LARGE1: variants seen among roughly 807,000 people sequenced by gnomAD.
LARGE1 encodes the protein LARGE xylosyl- and glucuronyltransferase 1, also known as xylosyl- and glucuronyltransferase LARGE1.
Under a neutral mutation model 87.6 loss-of-function variants are expected in LARGE1, and 43 were observed. The ratio of observed to expected loss-of-function variants is 0.49; its 90% CI spans 0.38 to 0.63. The LOEUF is 0.63. Ranked by LOEUF, LARGE1 falls within the 30% of genes least tolerant of loss-of-function variation. LARGE1 has a pLI of 0.00. For synonymous variants in LARGE1, 434 were observed against 394.6 expected, an observed-to-expected ratio of 1.10 and a Z score of -1.18; for missense variants, 802 against 1,000.2, an observed-to-expected ratio of 0.80 and a Z score of 2.67.
At chr22:33,392,127 G>T (rs2065550299) in intron 7 of LARGE1, among the ~76,000 whole-genome samples, 1 of 148,532 alleles carries the variant, frequency 6.7e-6, no homozygotes, top group South Asian at 2.1e-4. Context: ...ACAGCAGAAT[G>T]AATTCTGGGA....
At chr22:33,657,821 C>T (rs2081010539) in intron 2 of LARGE1, among the ~76,000 whole-genome samples, 1 of 152,176 alleles carries the variant, frequency 6.6e-6, no homozygotes, top group African/African-American at 2.4e-5. Context: ...ATTCAACAAA[C>T]ACTTGGTCAG....
At chr22:33,244,987 AT>A (rs527818266) in intron 11 of LARGE1, among the ~76,000 whole-genome samples, 2 of 152,280 alleles carry the variant, frequency 1.3e-5, no homozygotes. Context: ...AAAAATATAA[AT>A]TTTATTTCTC....
chr22:33,747,222 A>C (rs999852327), intron 2 of LARGE1, among the ~76,000 whole-genome samples: 1 of 152,198 alleles, frequency 6.6e-6, no homozygotes, highest in Non-Finnish European at 1.5e-5. Flanking sequence ...AGAGGAGAGC[A>C]AGGAATGAGA....
chr22:33,369,319 T>C (rs2064718048), intron 9 of LARGE1, among the ~76,000 whole-genome samples: 1 of 152,224 alleles, frequency 6.6e-6, no homozygotes, highest in Non-Finnish European at 1.5e-5. Context: ...AGAAATAGAA[T>C]GGGATTCTCC....
chr22:33,712,227 A>AT (rs2082752751), intron 2 of LARGE1, among the ~76,000 whole-genome samples: 1 of 152,120 alleles, frequency 6.6e-6, no homozygotes, highest in Non-Finnish European at 1.5e-5. Flanking sequence ...GGAAAAAAAA[A>AT]GGGCAAATCC....
At chr22:33,809,497 G>T (rs552700182) in intron 1 of LARGE1, among the ~76,000 whole-genome samples, 1 of 152,326 alleles carries the variant, frequency 6.6e-6, no homozygotes, top group East Asian at 1.9e-4. Flanking sequence ...TGTATTATTA[G>T]ATGCAAGGAC....
intron 6 of LARGE1, among the ~76,000 whole-genome samples, chr22:33,459,436 T>G (rs751880449): frequency 3.5e-5 from 5 of 141,352 alleles, no homozygotes; most frequent in Non-Finnish European, 6.0e-5. Flanking sequence ...TCGCTCGCTC[T>G]CTCTCTTTTT....
At chr22:33,647,609 A>C (rs1012055058) in intron 3 of LARGE1, among the ~76,000 whole-genome samples, 3 of 152,216 alleles carry the variant, frequency 2.0e-5, no homozygotes, top group Admixed American at 2.0e-4. Flanking sequence ...CACAATGAGA[A>C]ACAAGATGCA....
intron 6 of LARGE1, among the ~76,000 whole-genome samples, chr22:33,448,146 G>A (rs1332798650): frequency 6.6e-6 from 1 of 152,152 alleles, no homozygotes; most frequent in African/African-American, 2.4e-5. Flanking sequence ...TTCCTGGGGT[G>A]ATAAAGACAT....
intron 2 of LARGE1, chr22:33,746,532 G>A (rs970414830): frequency 8.5e-5 from 13 of 152,334 alleles, no homozygotes; most frequent in African/African-American, 2.6e-4. Flanking sequence ...CGGAATGAAT[G>A]AATAACCTTG....
At chr22:33,403,124 T>C (rs1369611155) in intron 7 of LARGE1, among the ~76,000 whole-genome samples, 3 of 152,332 alleles carry the variant, frequency 2.0e-5, no homozygotes, top group Non-Finnish European at 4.4e-5. Flanking sequence ...CTGCAGTTAT[T>C]GTAGGTGCTT....
At chr22:33,887,301 G>C (rs1461533810) in intron 1 of LARGE1, among the ~76,000 whole-genome samples, 2 of 152,182 alleles carry the variant, frequency 1.3e-5, no homozygotes, top group Non-Finnish European at 2.9e-5. Flanking sequence ...AAACACTAGA[G>C]AGCTCCCTCG....
At position 33,266,808 on chromosome 22, in the gene LARGE1, C is replaced by G. The variant is rs146573825; in HGVS notation, c.1730+37421G>C. Among the ~76,000 whole-genome samples, 750 of 151,524 alleles carry G rather than the reference C, an allele frequency of 4.9e-3. 42 individuals carry two copies. The highest frequency in any genetic ancestry group is 0.018 in the African/African-American group (725 of 40,920). On this transcript the variant is annotated intron_variant, in intron 11 of 11. Transcript: ENST00000608642. ...TTACTCCATGCTCCCTGTCCTTATACCTCACATTCATTTCACTCCCATTCA... is the reference window on the plus strand; with the variant it reads ...TTACTCCATGCTCCCTGTCCTTATAGCTCACATTCATTTCACTCCCATTCA...
At chr22:33,158,093 T>G (rs146231128), downstream of LARGE1, among the ~76,000 whole-genome samples, 101 of 152,112 alleles carry the variant, frequency 6.6e-4, no homozygotes, top group East Asian at 0.017. Flanking sequence ...AATATATGAG[T>G]GTGTAAAACA....
chr22:33,469,470 T>C (rs753278239), intron 6 of LARGE1, among the ~76,000 whole-genome samples: 1 of 152,204 alleles, frequency 6.6e-6, no homozygotes, highest in Non-Finnish European at 1.5e-5. Flanking sequence ...AACCAAACAC[T>C]GAGTTTACAT....
chr22:33,842,689 T>C (rs1384575407), intron 1 of LARGE1, among the ~76,000 whole-genome samples: 2 of 152,218 alleles, frequency 1.3e-5, no homozygotes, highest in South Asian at 2.1e-4. Context: ...TCATGATGTA[T>C]ATTTTCTACA....
chr22:33,125,230 G>A, the LARGE1 span, among the ~76,000 whole-genome samples: 4 of 152,096 alleles, frequency 2.6e-5, no homozygotes, highest in Admixed American at 6.5e-5. Context: ...GATGAGTCCC[G>A]CCTGCCTCCT....
intron 6 of LARGE1, among the ~76,000 whole-genome samples, chr22:33,560,774 G>A (rs933638775): frequency 1.3e-5 from 2 of 151,930 alleles, no homozygotes; most frequent in Non-Finnish European, 2.9e-5. Context: ...AGCTCTCTGA[G>A]CATGAAAAGT....
At chr22:33,300,941 G>A (rs1934061328) in intron 12 of LARGE1, among the ~76,000 whole-genome samples, 1 of 152,146 alleles carries the variant, frequency 6.6e-6, no homozygotes, top group South Asian at 2.1e-4. Flanking sequence ...CTCCTAAAAT[G>A]CTGGGTGACA....
Sources: allele counts gnomAD v4.1 joint callset (sites outside exome capture counted in the v4.1 genomes callset), GRCh38; gene constraint gnomAD v4.1.1; transcripts MANE v1.5; gene names NCBI Gene and HGNC (gene_info 2026-07-23, HGNC 2026-07-21).